The following CELF6 variants were observed in gnomAD, a reference collection of about 807,000 sequenced individuals.
CELF6 encodes the protein CUGBP Elav-like family member 6.
A neutral mutation model predicts 53.1 loss-of-function variants in CELF6; 32 were observed. The ratio of observed to expected loss-of-function variants is 0.60; its 90% confidence interval spans 0.46 to 0.81. The LOEUF (loss-of-function observed/expected upper bound fraction) is 0.81. CELF6 is among the 30% of genes least tolerant of loss of function. The pLI is 0.00. For missense variants in CELF6, 539 were observed against 669.5 expected, an observed-to-expected ratio of 0.81 and a Z score of 2.15; for synonymous variants, 291 against 288.8, an observed-to-expected ratio of 1.01 and a Z score of -0.08.
At chr15:72,301,496 G>A (rs1040785622) in intron 3 of CELF6, among the ~76,000 whole-genome samples, 4 of 151,954 alleles carry the variant, frequency 2.6e-5, no homozygotes, top group East Asian at 1.9e-4. Context: ...TACTCTTATC[G>A]GATAAAGAAA....
At position 72,289,088 on chromosome 15, in the gene CELF6, C is replaced by A. The variant is rs764662948; in HGVS notation, c.1030+50G>T. On this transcript the variant is annotated intron_variant, in intron 8 of 12. Coordinates refer to ENST00000287202, the MANE Select transcript of CELF6 (RefSeq NM_052840.5). The surrounding 1 kb of genome is among the most constrained non-coding windows in gnomAD (Gnocchi z 7.6). ...GAAGCCAGGCCCTAACCCCCCACCC[C>A]CCGCTCCCCACTCCATTTCGGGGGG... is the stretch of plus-strand genomic sequence containing the variant. 1.4e-6 allele frequency: 2 copies of A among 1,422,504 alleles called. No homozygotes were observed. The highest frequency in any genetic ancestry group is 1.9e-6 in the Non-Finnish European group (2 of 1,067,202). 88.1% of individuals were successfully genotyped at this position (1,422,504 alleles called of 1,614,324 possible). A position where few individuals can be genotyped will look rare whatever the true frequency, so the allele number is the denominator to read the frequency against.
Position 72,288,531 on chromosome 15 carries a change from C to T in CELF6, c.1174+7G>A. On this transcript the variant is annotated splice_region_variant and intron_variant, in intron 10 of 12. Transcript: ENST00000287202. The surrounding 1 kb of genome is among the most constrained non-coding windows in gnomAD (Gnocchi z 4.6). ...CAGGTTCTGCTGTCCAGCCCCCAGT[C>T]CCTCACCTTCTCTCTGCTGCTGGGG... is the stretch of plus-strand genomic sequence containing the variant. The T allele has an allele frequency of 6.2e-7, 1 of 1,608,752 alleles. No homozygotes were observed. The highest frequency in any genetic ancestry group is 1.1e-5 in the South Asian group (1 of 90,564).
intron 2 of CELF6, among the ~76,000 whole-genome samples, chr15:72,305,871 C>A (rs543085659): frequency 7.1e-6 from 1 of 140,260 alleles, no homozygotes; most frequent in East Asian, 2.1e-4. Flanking sequence ...TTTTTTTTTG[C>A]CCCAACCTGA....
chr15:72,319,312 G>T lies in CELF6; in HGVS notation c.262+301C>A, dbSNP rs1039672373. Among the ~76,000 whole-genome samples, 1 of 152,172 alleles carries T rather than the reference G, an allele frequency of 6.6e-6. No individual in the cohort carries two copies. Among genetic ancestry groups the T allele is most frequent in the African/African-American group, 2.4e-5 (1 of 41,428 alleles). On this transcript the variant is annotated intron_variant, in intron 1 of 12. Transcript: ENST00000287202. The surrounding 1 kb of genome is among the most constrained non-coding windows in gnomAD (Gnocchi z 5.0). Reference sequence around the variant, plus strand: ...AAGTTTTCAAATTCCAGAATTTTAGGTCTGATGGGAGAGGTGGTGGAAAGG... The same window carrying T: ...AAGTTTTCAAATTCCAGAATTTTAGTTCTGATGGGAGAGGTGGTGGAAAGG...
rs1477238587 is a variant in CELF6, at chr15:72,304,910, C to G, written c.346-116G>C. On this transcript the variant is annotated intron_variant, in intron 2 of 12. Transcript: ENST00000287202. ...AGCCCTAGCCCCTTTGAACTCTGCA[C>G]TCTACCACTTCCAAACTGGGATTAC... is the stretch of plus-strand genomic sequence containing the variant. 10 of 793,450 alleles carry G rather than the reference C, an allele frequency of 1.3e-5. No homozygotes were observed. In the African/African-American group the frequency reaches 1.4e-4, roughly 11 times the overall value. The allele number at this position is 793,450 out of a possible 1,614,324, so 49.2% of individuals were successfully genotyped here.
Position 72,320,046 on chromosome 15 carries a change from G to T in CELF6, c.-172C>A. 4.7e-6 allele frequency: 2 copies of T among 421,056 alleles called. No homozygotes were observed. Among genetic ancestry groups the T allele is most frequent in the South Asian group, 3.3e-5 (2 of 61,236 alleles). The allele number at this position is 421,056 out of a possible 1,614,324, so 26.1% of individuals were successfully genotyped here. A position where few individuals can be genotyped will look rare whatever the true frequency, so the allele number is the denominator to read the frequency against. ...GAGGGGCGTAGAGGGGGTGGGGCGG[G>T]CAGGAAAGGGGCGGGGCCGGGGCGG... is the stretch of plus-strand genomic sequence containing the variant. On this transcript the variant is annotated 5_prime_UTR_variant, in exon 1 of 13. Transcript: ENST00000287202.
At position 72,285,254 on chromosome 15, in the gene CELF6, G is replaced by A. The variant is rs2087907384; in HGVS notation, c.*1117C>T. On this transcript the variant is annotated 3_prime_UTR_variant, in exon 13 of 13. Transcript: ENST00000287202. The stretch of plus-strand genomic sequence containing the variant: ...ACATCTACTTCCCTCCCAGGTCTGG[G>A]GTAAAGAGGGACCTCTAATTCTGAA... 6.6e-6 allele frequency: 1 copy of A among 152,634 alleles called. No individual in the cohort carries two copies. The highest frequency in any genetic ancestry group is 2.4e-5 in the African/African-American group (1 of 41,442). The allele number at this position is 152,634 out of a possible 1,614,324, so 9.5% of individuals were successfully genotyped here.
At chr15:72,311,759 G>A (rs911886499) in intron 2 of CELF6, among the ~76,000 whole-genome samples, 1 of 152,196 alleles carries the variant, frequency 6.6e-6, no homozygotes, top group East Asian at 1.9e-4. Context: ...CATTCATGAA[G>A]TGGTTGCTAG....
At chr15:72,308,537 G>A (rs1387725017) in intron 2 of CELF6, among the ~76,000 whole-genome samples, 1 of 152,052 alleles carries the variant, frequency 6.6e-6, no homozygotes, top group Non-Finnish European at 1.5e-5. Context: ...GGTTTTTGTT[G>A]TTGTTATTGT....
intron 3 of CELF6, among the ~76,000 whole-genome samples, chr15:72,300,752 T>C (rs1261477745): frequency 6.6e-6 from 1 of 151,962 alleles, no homozygotes; most frequent in East Asian, 1.9e-4. Flanking sequence ...GAGAATTGCT[T>C]GAACCCAGGA....
At chr15:72,296,406 A>G (rs1309671343) in intron 3 of CELF6, among the ~76,000 whole-genome samples, 2 of 152,220 alleles carry the variant, frequency 1.3e-5, no homozygotes, top group Non-Finnish European at 2.9e-5. Context: ...AACTTTAACA[A>G]GGATCTATTG....
At chr15:72,286,646 C>A (rs1193362806) in intron 12 of CELF6, among the ~76,000 whole-genome samples, 2 of 152,234 alleles carry the variant, frequency 1.3e-5, no homozygotes, top group Non-Finnish European at 2.9e-5. Flanking sequence ...AAGTTGCAGG[C>A]AGCATCCTAT....
chr15:72,308,699 CAT>C (rs1490226178), intron 2 of CELF6, among the ~76,000 whole-genome samples: 3 of 151,886 alleles, frequency 2.0e-5, no homozygotes, highest in Admixed American at 6.6e-5. Context: ...TTTTTTTAAA[CAT>C]TTTTATTTAT....
intron 3 of CELF6, among the ~76,000 whole-genome samples, chr15:72,303,224 G>C (rs562097402): frequency 3.2e-4 from 48 of 152,308 alleles, no homozygotes; most frequent in South Asian, 8.3e-4. Context: ...TTCCCAAGAG[G>C]CAGAAATTCT....
chr15:72,301,023 A>G (rs938571350), intron 3 of CELF6, among the ~76,000 whole-genome samples: 2 of 151,768 alleles, frequency 1.3e-5, no homozygotes, highest in Non-Finnish European at 2.9e-5. Context: ...TCATTCATTC[A>G]CCTAGGCTGG....
Position 72,289,668 on chromosome 15 carries a change from C to T in CELF6, c.706G>A (p.Ala236Thr). 1 of 1,499,514 alleles carries T rather than the reference C, an allele frequency of 6.7e-7. No individual in the cohort carries two copies. The highest frequency in any genetic ancestry group is 8.8e-7 in the Non-Finnish European group (1 of 1,133,384). The allele number at this position is 1,499,514 out of a possible 1,614,324, so 92.9% of individuals were successfully genotyped here. A position where few individuals can be genotyped will look rare whatever the true frequency, so the allele number is the denominator to read the frequency against. Residue 236 changes from alanine to threonine, a missense_variant, in exon 6 of 13, where the codon GCG becomes ACG. Ala to Thr is a moderately conservative substitution (Grantham distance 58). This residue lies in a region of CELF6 where 358 missense variants were observed against 412.8 expected (regional missense o/e 0.87). Transcript: ENST00000287202. The surrounding 1 kb of genome is among the most constrained non-coding windows in gnomAD (Gnocchi z 7.6). ...MAGHLGAFHP[A>T]PLPLGACGAY... ...CCGCAGGCCCCTAGCGGCAGTGGCG[C>T]GGGGTGGAAGGCGCCCAGGTGGCCG...
At chr15:72,299,928 T>G (rs1211709791) in intron 3 of CELF6, among the ~76,000 whole-genome samples, 3 of 152,206 alleles carry the variant, frequency 2.0e-5, no homozygotes, top group African/African-American at 7.2e-5. Context: ...AGAAAAGTGT[T>G]GCCAAGGCTG....
At chr15:72,314,018 G>A (rs1421531422) in intron 2 of CELF6, among the ~76,000 whole-genome samples, 1 of 152,186 alleles carries the variant, frequency 6.6e-6, no homozygotes, top group Non-Finnish European at 1.5e-5. Context: ...AAGCTAGTGA[G>A]TGGTGGGCCT....
chr15:72,304,887 C>T lies in CELF6; in HGVS notation c.346-93G>A, dbSNP rs1246538579. ...AACCCTGGACTCCTCAGGATCTGAGCCCTAGCCCCTTTGAACTCTGCACTC... is the reference window on the plus strand; with the variant it reads ...AACCCTGGACTCCTCAGGATCTGAGTCCTAGCCCCTTTGAACTCTGCACTC... On this transcript the variant is annotated intron_variant, in intron 2 of 12. Transcript: ENST00000287202. 8.8e-6 allele frequency: 10 copies of T among 1,130,122 alleles called. No individual in the cohort carries two copies. The African/African-American group carries it at 1.2e-4, about 14-fold the overall frequency. 70.0% of individuals were successfully genotyped at this position (1,130,122 alleles called of 1,614,324 possible). A position where few individuals can be genotyped will look rare whatever the true frequency, so the allele number is the denominator to read the frequency against.
Sources: allele counts gnomAD v4.1 joint callset (sites outside exome capture counted in the v4.1 genomes callset), GRCh38; gene constraint gnomAD v4.1.1; regional missense constraint gnomAD v4.1.1; non-coding constraint Gnocchi (gnomAD v3.1); transcripts MANE v1.5; gene names NCBI Gene and HGNC (gene_info 2026-07-23, HGNC 2026-07-21).